Variants in ALOXE3 observed in about 807,000 individuals in gnomAD.
The protein encoded by ALOXE3 is hydroperoxide isomerase ALOXE3.
A neutral mutation model predicts 87.5 loss-of-function variants in ALOXE3; 78 were observed. The ratio of observed to expected loss-of-function variants is 0.89; its 90% CI spans 0.74 to 1.08. ALOXE3 has a LOEUF of 1.08. ALOXE3 is among the 50% of genes least tolerant of loss of function. The probability of loss-of-function intolerance (pLI) is 0.00; values close to 1 mark genes in which losing one functional copy is unlikely to be tolerated. For synonymous variants in ALOXE3, 363 were observed against 370.8 expected (o/e 0.98, Z 0.24); for missense variants, 946 against 912.4 (o/e 1.04, Z -0.47).
At chr17:8,096,949 C>T (rs1387887216) in intron 15 of ALOXE3, 143 bp from the exon 16 acceptor site, 2 of 953,866 alleles carry the variant, frequency 2.1e-6, no homozygotes, top group Admixed American at 2.0e-5. Context: ...TTGCCCCAAA[C>T]TGCCACCCCA....
At chr17:8,118,370 G>C (rs1280971742) in intron 1 of ALOXE3, 67 bp from the exon 2 acceptor site, 2 of 1,551,394 alleles carry the variant, frequency 1.3e-6, no homozygotes, top group Admixed American at 2.0e-5. Context: ...TTGGGACACT[G>C]CCCTCCGCCT....
chr17:8,102,498 G>A (rs1183946203), intron 15 of ALOXE3, among the ~76,000 whole-genome samples: 1 of 152,058 alleles, frequency 6.6e-6, no homozygotes, highest in African/African-American at 2.4e-5. Context: ...ATGTGGGGGG[G>A]TGGGGGAAGC....
intron 2 of ALOXE3, 39 bp from the exon 3 acceptor site, chr17:8,117,019 A>G: frequency 6.3e-7 from 1 of 1,594,712 alleles, no homozygotes; most frequent in Non-Finnish European, 8.6e-7. Flanking sequence ...AGAGGCGGGG[A>G]ACTGCCAAGG....
chr17:8,109,794 A>G, intron 11 of ALOXE3, 122 bp downstream of exon 11: 1 of 968,120 alleles, frequency 1.0e-6, no homozygotes, highest in South Asian at 1.6e-5. Context: ...GTGATTGTAC[A>G]GGTGTTCTCA....
At position 8,104,115 on chromosome 17, in the gene ALOXE3, C is replaced by T. The variant is rs926624449; in HGVS notation, c.1785G>A (p.Gln595=). ...CCAGGCCTGCCCTTTGTAGCCTCAC[C>T]TGCCCACTGTTGACAGCAGCGTGCT... ...SAQHAAVNSG[Q]HDFGAWMPNA... The change falls in exon 14 of 16, where the codon CAG becomes CAA. Residue 595 remains glutamine (Q), a splice_region_variant and synonymous_variant. Transcript: ENST00000448843. 2 of 1,613,302 alleles carry T rather than the reference C, an allele frequency of 1.2e-6. No individual in the cohort carries two copies. The highest frequency in any genetic ancestry group is 1.1e-5 in the South Asian group (1 of 90,964).
intron 2 of ALOXE3, among the ~76,000 whole-genome samples, chr17:8,117,485 C>G (rs1359084209): frequency 6.6e-6 from 1 of 152,216 alleles, no homozygotes; most frequent in East Asian, 1.9e-4. Flanking sequence ...CCTAGGCCGG[C>G]TGGGAACTCT....
chr17:8,105,750 T>C (rs1051425955), intron 13 of ALOXE3, among the ~76,000 whole-genome samples: 18 of 151,196 alleles, frequency 1.2e-4, no homozygotes, highest in Non-Finnish European at 2.7e-4. Context: ...AAAACATTTT[T>C]TAAAAAGGTA....
intron 15 of ALOXE3, among the ~76,000 whole-genome samples, chr17:8,100,632 G>A (rs906122140): frequency 7.2e-5 from 11 of 151,880 alleles, no homozygotes; most frequent in South Asian, 2.1e-4. Flanking sequence ...TCTTAAAGAT[G>A]GGGTCTTGTT....
chr17:8,114,428 G>A, intron 6 of ALOXE3, 56 bp downstream of exon 6: 1 of 1,613,326 alleles, frequency 6.2e-7, no homozygotes, highest in Non-Finnish European at 8.5e-7. Flanking sequence ...GGAGCACGGG[G>A]AGGGGGATGG....
chr17:8,117,983 A>C lies in ALOXE3; in HGVS notation c.8T>G (p.Val3Gly). 6.2e-7 allele frequency: 1 copy of C among 1,611,328 alleles called. No individual in the cohort carries two copies. The highest frequency in any genetic ancestry group is 8.5e-7 in the Non-Finnish European group (1 of 1,179,698). ...ACCAGTGGTCACACACAGGCGGTAC[A>C]CTGCCATGATGGGAAGGAGGAAGGG... MA[V>G]YRLCVTTGPY... Residue 3 changes from valine to glycine, a missense_variant, in exon 2 of 16, where the codon GTG (valine) becomes GGG (glycine). By Grantham distance (109) the Val-to-Gly change is moderately radical (BLOSUM62 -3). Coordinates refer to ENST00000448843, the MANE Select transcript of ALOXE3 (RefSeq NM_021628.3).
Position 8,108,450 on chromosome 17 carries a change from G to A in ALOXE3, c.1684+18C>T, listed in dbSNP as rs776833284. The A allele has an allele frequency of 2.5e-6, 4 of 1,611,388 alleles. No individual in the cohort carries two copies. Among genetic ancestry groups the A allele is most frequent in the Non-Finnish European group, 2.5e-6 (3 of 1,178,454 alleles). ...AGCTCATCAGAGCTACACGGAAAGT[G>A]GGATAGAGAGGGGATACCTGAGCTT... On this transcript the variant is annotated intron_variant, in intron 13 of 15. Coordinates refer to ENST00000448843, the MANE Select transcript of ALOXE3 (RefSeq NM_021628.3).
Position 8,110,083 on chromosome 17 carries a change from G to T in ALOXE3, c.1305+9C>A, listed in dbSNP as rs139869133. 1.8e-5 allele frequency: 29 copies of T among 1,609,596 alleles called. No homozygotes were observed. Among genetic ancestry groups the T allele is most frequent in the Non-Finnish European group, 2.4e-5 (28 of 1,178,018 alleles). On this transcript the variant is annotated intron_variant, in intron 10 of 15. Coordinates refer to ENST00000448843, the MANE Select transcript of ALOXE3 (RefSeq NM_021628.3). Reference sequence around the variant, plus strand: ...CTGCCCCGCTGGGCCCCCACCCGGGGTCGCGGACCTTGTAGATGGGGTGGC... The same window carrying T: ...CTGCCCCGCTGGGCCCCCACCCGGGTTCGCGGACCTTGTAGATGGGGTGGC...
At chr17:8,114,001 G>A (rs1241875118) in intron 6 of ALOXE3, among the ~76,000 whole-genome samples, 6 of 151,350 alleles carry the variant, frequency 4.0e-5, no homozygotes, top group African/African-American at 7.3e-5. Flanking sequence ...CTCCAGCCTG[G>A]GCGACAGGAG....
At chr17:8,108,170 C>T (rs953362915) in intron 13 of ALOXE3, among the ~76,000 whole-genome samples, 1 of 152,014 alleles carries the variant, frequency 6.6e-6, no homozygotes, top group Non-Finnish European at 1.5e-5. Flanking sequence ...TCCCACTGCA[C>T]GTTGCAGAAT....
In ALOXE3 at chr17:8,104,196, G is replaced by A; in HGVS notation, c.1704C>T (p.Cys568=). ...RESSGFPSRL[C]TPGEMVKFLT... ...GGAACTTCACCATCTCTCCTGGGGTGCACAGCCGGCTTGGGAAACCTGGGT... is the reference window on the plus strand; with the variant it reads ...GGAACTTCACCATCTCTCCTGGGGTACACAGCCGGCTTGGGAAACCTGGGT... The change falls in exon 14 of 16, where the codon TGC becomes TGT. Residue 568 remains cysteine (C), a synonymous_variant. Transcript: ENST00000448843. 1 of 1,613,910 alleles carries A rather than the reference G, an allele frequency of 6.2e-7. No homozygotes were observed. Among genetic ancestry groups the A allele is most frequent in the East Asian group, 2.2e-5 (1 of 44,876 alleles).
rs1978551511 is a variant in ALOXE3, at chr17:8,096,574, G to T, written c.*53C>A. Reference sequence around the variant, plus strand: ...AAGGGTCTGGAGGACCTGAGGAACTGGTCCTCCTCATGCTTGGACCTTTCT... The same window carrying T: ...AAGGGTCTGGAGGACCTGAGGAACTTGTCCTCCTCATGCTTGGACCTTTCT... On this transcript the variant is annotated 3_prime_UTR_variant, in exon 16 of 16. Coordinates refer to ENST00000448843, the MANE Select transcript of ALOXE3 (RefSeq NM_021628.3). 1.1e-6 allele frequency: 1 copy of T among 870,602 alleles called. No individual in the cohort carries two copies. The highest frequency in any genetic ancestry group is 2.0e-6 in the Non-Finnish European group (1 of 500,712). The allele number at this position is 870,602 out of a possible 1,614,324, so 53.9% of individuals were successfully genotyped here.
At chr17:8,107,538 G>A (rs976098563) in intron 13 of ALOXE3, among the ~76,000 whole-genome samples, 3 of 151,782 alleles carry the variant, frequency 2.0e-5, no homozygotes, top group East Asian at 1.9e-4. Flanking sequence ...GGTGGCTCAC[G>A]TCTGTAATCC....
intron 13 of ALOXE3, 26 bp downstream of exon 13, chr17:8,108,442 C>T (rs530794742): frequency 3.7e-6 from 6 of 1,610,138 alleles, no homozygotes; most frequent in South Asian, 3.3e-5. Context: ...CAGAGCTACA[C>T]GGAAAGTGGG....
At position 8,110,218 on chromosome 17, in the gene ALOXE3, C is replaced by G. The variant is rs762241642; in HGVS notation, c.1179G>C (p.Thr393=). Residue 393 remains threonine, a synonymous_variant, in exon 10 of 16, where the codon ACG becomes ACC. Transcript: ENST00000448843. ...DSEWDWLLAK[T]WVRNSEFLVH... ...CCAGGAACTCAGAGTTGCGCACCCA[C>G]GTCTTGGCCAGCAGCCAGTCCCATT... 1.9e-5 allele frequency: 31 copies of G among 1,614,004 alleles called. No homozygotes were observed. Among genetic ancestry groups the G allele is most frequent in the Non-Finnish European group, 1.5e-5 (18 of 1,179,958 alleles).
Sources: allele counts gnomAD v4.1 joint callset (sites outside exome capture counted in the v4.1 genomes callset), GRCh38; gene constraint gnomAD v4.1.1; transcripts MANE v1.5; gene names NCBI Gene and HGNC (gene_info 2026-07-23, HGNC 2026-07-21).